Variants in CLEC2L observed in about 807,000 individuals in gnomAD.
The protein encoded by CLEC2L is C-type lectin domain family 2 member L, also known as C-type lectin domain family 2, member L.
In CLEC2L, 14 loss-of-function variants were observed where a neutral mutation model predicts 23.6. That is an observed-to-expected ratio of 0.59 (90% CI 0.39 to 0.93). The LOEUF (loss-of-function observed/expected upper bound fraction) is 0.93, where lower values mean the gene tolerates loss of function less well. Among genes scored for constraint, CLEC2L ranks in the 40% least tolerant of loss-of-function variants. The pLI is 0.00. For missense variants in CLEC2L, 264 were observed against 282.4 expected (o/e 0.93, Z 0.47); for synonymous variants, 114 against 121.3 (o/e 0.94, Z 0.40).
intron 1 of CLEC2L, among the ~76,000 whole-genome samples, chr7:139,530,036 T>A (rs1392376789): frequency 6.7e-6 from 1 of 149,484 alleles, no homozygotes; most frequent in Non-Finnish European, 1.5e-5. Context: ...AAAACAAAAT[T>A]AGCCAGGCAT....
chr7:139,540,574 A>C lies in CLEC2L; in HGVS notation c.432+87A>C. The C allele has an allele frequency of 6.9e-7, 1 of 1,445,630 alleles. No homozygotes were observed. The highest frequency in any genetic ancestry group is 9.5e-7 in the Non-Finnish European group (1 of 1,057,736). The allele number at this position is 1,445,630 out of a possible 1,614,324, so 89.6% of individuals were successfully genotyped here. ...CTAGGGGACAGCCACACAGTAAAGG[A>C]TGCAGTGTTCCCTGTGACACGTCTC... On this transcript the variant is annotated intron_variant, in intron 3 of 4. Transcript: ENST00000422142. The surrounding 1 kb of genome is among the most constrained non-coding windows in gnomAD (Gnocchi z 5.8).
At chr7:139,527,819 A>G (rs1021596155) in intron 1 of CLEC2L, among the ~76,000 whole-genome samples, 3 of 152,158 alleles carry the variant, frequency 2.0e-5, no homozygotes, top group Admixed American at 2.0e-4. Context: ...CCTGATCAAA[A>G]CCACACACAT....
intron 2 of CLEC2L, 103 bp downstream of exon 2, chr7:139,536,451 G>A: frequency 1.0e-6 from 1 of 986,118 alleles, no homozygotes; most frequent in Non-Finnish European, 1.5e-6. Flanking sequence ...CAAGAATCCT[G>A]TGGGGGACTA....
rs375820147 is a variant in CLEC2L at position 139,542,677 on chromosome 7, C to G, written c.533+556C>G. 9.8e-5 allele frequency among the ~76,000 whole-genome samples: 15 copies of G among 152,324 alleles called. No individual in the cohort carries two copies. The East Asian group carries it at 2.7e-3, about 27-fold the overall frequency. On this transcript the variant is annotated intron_variant, in intron 4 of 4. Transcript: ENST00000422142. ...TCACATTTTACTGGCGAACGCATCTCTTGATGGACGGAGCGCTGCTGAGGT... is the reference window on the plus strand; with the variant it reads ...TCACATTTTACTGGCGAACGCATCTGTTGATGGACGGAGCGCTGCTGAGGT...
At chr7:139,525,842 C>T (rs536910211) in intron 1 of CLEC2L, among the ~76,000 whole-genome samples, 3 of 152,266 alleles carry the variant, frequency 2.0e-5, no homozygotes, top group African/African-American at 7.2e-5. Context: ...GGGCTGCCCA[C>T]CTGCCAGTCA....
chr7:139,531,855 A>G (rs958258930), intron 1 of CLEC2L, among the ~76,000 whole-genome samples: 19 of 152,028 alleles, frequency 1.2e-4, no homozygotes, highest in African/African-American at 4.3e-4. Flanking sequence ...GGTTGCAGTG[A>G]GCTGAGATCA....
At chr7:139,528,931 C>T (rs576580616) in intron 1 of CLEC2L, among the ~76,000 whole-genome samples, 16 of 152,252 alleles carry the variant, frequency 1.1e-4, no homozygotes, top group Non-Finnish European at 1.8e-4. Flanking sequence ...ATACATGTAC[C>T]GATCCCTCTT....
chr7:139,525,499 G>A (rs1797494372), intron 1 of CLEC2L, among the ~76,000 whole-genome samples: 1 of 151,708 alleles, frequency 6.6e-6, no homozygotes, highest in South Asian at 2.1e-4. Flanking sequence ...CTGTAGCAGA[G>A]CTGTGGGTTG....
In CLEC2L at chr7:139,540,401, G is replaced by A. The variant is rs1021895960; in HGVS notation, c.346G>A (p.Glu116Lys). The change falls in exon 3 of 5, where the codon GAG becomes AAG. Residue 116 changes from glutamate (E) to lysine (K), a missense_variant. Coordinates refer to ENST00000422142, the MANE Select transcript of CLEC2L (RefSeq NM_001080511.4). The surrounding 1 kb of genome is among the most constrained non-coding windows in gnomAD (Gnocchi z 5.8). ...LYGRKCYFFS[E>K]EPRDWNTGRQ... The stretch of plus-strand genomic sequence containing the variant: ...CGGAAGGAAGTGCTACTTCTTTTCC[G>A]AGGAACCCAGAGACTGGAACACAGG... The A allele has an allele frequency of 1.1e-5, 18 of 1,609,076 alleles. No individual in the cohort carries two copies. Among genetic ancestry groups the A allele is most frequent in the Middle Eastern group, 3.3e-4 (2 of 6,046 alleles).
Position 139,539,470 on chromosome 7 carries a change from T to C in CLEC2L, c.266-851T>C, listed in dbSNP as rs1164179688. ...CGGGCTTCCTTCCCAGAAAAGTCCA[T>C]GTATGCACATACCCGCCGATCTGTT... On this transcript the variant is annotated intron_variant, in intron 2 of 4. Coordinates refer to ENST00000422142, the MANE Select transcript of CLEC2L (RefSeq NM_001080511.4). This position sits in a 1 kb window ranked among gnomAD's most constrained non-coding sequence, Gnocchi z 4.1. 4 of 152,130 alleles carry C rather than the reference T, an allele frequency of 2.6e-5. No homozygotes were observed. The highest frequency in any genetic ancestry group is 5.9e-5 in the Non-Finnish European group (4 of 68,018). The allele number at this position is 152,130 out of a possible 1,614,324, so 9.4% of individuals were successfully genotyped here.
chr7:139,538,394 C>T lies in CLEC2L; in HGVS notation c.266-1927C>T, dbSNP rs146573002. ...GTTGCAATGAGCTGAGATTGTGCCA[C>T]GCACTCCAGCCTGAGTGACAGAAGA... On this transcript the variant is annotated intron_variant, in intron 2 of 4. Coordinates refer to ENST00000422142, the MANE Select transcript of CLEC2L (RefSeq NM_001080511.4). Among the ~76,000 whole-genome samples, 658 of 149,008 alleles carry T rather than the reference C, an allele frequency of 4.4e-3. 6 individuals carry two copies. Among genetic ancestry groups the T allele is most frequent in the African/African-American group, 0.015 (616 of 39,936 alleles).
intron 1 of CLEC2L, among the ~76,000 whole-genome samples, chr7:139,525,547 C>A (rs1439006829): frequency 6.6e-6 from 1 of 151,282 alleles, no homozygotes; most frequent in Non-Finnish European, 1.5e-5. Context: ...TGGTCAGACA[C>A]CCCCCCGTGA....
intron 1 of CLEC2L, among the ~76,000 whole-genome samples, chr7:139,531,058 T>C (rs180769011): frequency 9.2e-5 from 14 of 152,294 alleles, no homozygotes; most frequent in African/African-American, 3.4e-4. Context: ...CAGATCACTC[T>C]ACTGTGTCCC....
intron 1 of CLEC2L, among the ~76,000 whole-genome samples, chr7:139,529,941 G>A (rs531932781): frequency 8.6e-5 from 13 of 151,572 alleles, no homozygotes; most frequent in African/African-American, 2.4e-4. Context: ...GGTGATGTGC[G>A]CCTATAGTCC....
At position 139,542,106 on chromosome 7, in the gene CLEC2L, C is replaced by T. The variant is rs200501800; in HGVS notation, c.518C>T (p.Pro173Leu). Residue 173 changes from proline to leucine, a missense_variant, in exon 4 of 5, where the codon CCG becomes CTG. Pro to Leu is a moderately conservative substitution (Grantham distance 98). Coordinates refer to ENST00000422142, the MANE Select transcript of CLEC2L (RefSeq NM_001080511.4). ...GAATTCCACTGGGTCAACGGGGACCCGTTTGATCCGGACACGTGAGCTGAG... is the reference window on the plus strand; with the variant it reads ...GAATTCCACTGGGTCAACGGGGACCTGTTTGATCCGGACACGTGAGCTGAG... ...GDEFHWVNGD[P>L]FDPDTFTIAG... 4.5e-5 allele frequency: 72 copies of T among 1,610,798 alleles called. No homozygotes were observed. The East Asian group carries it at 1.5e-3, about 34-fold the overall frequency.
At chr7:139,534,593 G>T in intron 1 of CLEC2L, 1 of 721,372 alleles carries the variant, frequency 1.4e-6, no homozygotes, top group Admixed American at 1.8e-5. Context: ...GGGTGGGCTT[G>T]GAACACAGGT....
chr7:139,531,794 C>T (rs55637273), intron 1 of CLEC2L, among the ~76,000 whole-genome samples: 3,283 of 152,052 alleles, frequency 0.022, 123 homozygotes, highest in African/African-American at 0.074. Context: ...CCTGTAATCT[C>T]AGCTACTTGG....
At chr7:139,529,816 C>T (rs1797553591) in intron 1 of CLEC2L, among the ~76,000 whole-genome samples, 2 of 152,182 alleles carry the variant, frequency 1.3e-5, no homozygotes, top group South Asian at 4.1e-4. Context: ...CCTATAATCC[C>T]AGCACTTTGG....
In CLEC2L at chr7:139,536,278, C is replaced by A. The variant is rs1457722202; in HGVS notation, c.195C>A (p.Thr65=). 1.3e-6 allele frequency: 2 copies of A among 1,551,232 alleles called. No homozygotes were observed. Among genetic ancestry groups the A allele is most frequent in the African/African-American group, 2.7e-5 (2 of 72,984 alleles). The change falls in exon 2 of 5, where the codon ACC becomes ACA. Residue 65 remains threonine (T), a synonymous_variant. Transcript: ENST00000422142. The stretch of plus-strand genomic sequence containing the variant: ...AACCCCTCTCTCTTCTCCTAGACAC[C>A]ACCACACGCCTCCTGCTGGGTGCCA... ...STSWKAALED[T]TTRLLLGAIA...
Sources: gnomAD v4.1 joint callset for allele counts (sites outside exome capture counted in the v4.1 genomes callset) on GRCh38, gnomAD v4.1.1 for gene constraint, Gnocchi (gnomAD v3.1) non-coding constraint, MANE v1.5 for transcripts, NCBI Gene and HGNC (gene_info 2026-07-23, HGNC 2026-07-21) for gene names.